Variants in NEBL observed in about 807,000 individuals in gnomAD.
NEBL encodes LIM and SH3 protein 2.
A neutral mutation model predicts 140.2 loss-of-function variants in NEBL; 122 were observed. That is an observed-to-expected ratio of 0.87 (90% CI 0.75 to 1.01). The LOEUF (loss-of-function observed/expected upper bound fraction) is 1.01, where lower values mean the gene tolerates loss of function less well. Ranked by LOEUF, NEBL falls within the 50% of genes least tolerant of loss-of-function variation. The pLI is 0.00. For missense variants in NEBL, 1,365 were observed against 1,231.3 expected, an observed-to-expected ratio of 1.11 and a Z score of -1.62; for synonymous variants, 436 against 398.9, an observed-to-expected ratio of 1.09 and a Z score of -1.11.
chr10:21,049,103 T>A (rs1229723668), intron 2 of NEBL, among the ~76,000 whole-genome samples: 1 of 138,618 alleles, frequency 7.2e-6, no homozygotes, highest in Non-Finnish European at 1.5e-5. Context: ...CTCAACTCTT[T>A]AAATGAGACT....
chr10:20,829,397 G>A (rs1052891910), intron 16 of NEBL, among the ~76,000 whole-genome samples: 3 of 149,216 alleles, frequency 2.0e-5, no homozygotes, highest in Non-Finnish European at 3.0e-5. Context: ...GAGAACACAT[G>A]GACACAGGAA....
intron 7 of NEBL, among the ~76,000 whole-genome samples, chr10:20,860,395 A>C (rs1843557307): frequency 6.6e-6 from 1 of 151,946 alleles, no homozygotes; most frequent in Admixed American, 6.6e-5. Context: ...CAGCAGGAAA[A>C]CCATCTCCAA....
At chr10:21,287,797 A>C (rs1415978374) in intron 1 of NEBL, among the ~76,000 whole-genome samples, 2 of 152,224 alleles carry the variant, frequency 1.3e-5, no homozygotes, top group African/African-American at 4.8e-5. Context: ...ACAACAACAA[A>C]AAAATTGCAA....
Position 21,233,928 on chromosome 10 carries a change from CAT to C in NEBL, n.348+13991_348+13992del, listed in dbSNP as rs1232042988. On this transcript the variant is annotated intron_variant and non_coding_transcript_variant, in intron 3 of 8. Coordinates refer to the NEBL transcript ENST00000675702. ...TATGCATATATATGGATATATATTA[CAT>C]ATATATATATATGCTGGATGTGCGT... 8.0e-3 allele frequency among the ~76,000 whole-genome samples: 1,047 copies of C among 131,664 alleles called. 15 individuals are homozygous for C. Among genetic ancestry groups the C allele is most frequent in the African/African-American group, 0.026 (977 of 37,286 alleles). 86.4% of individuals were successfully genotyped at this position (131,664 alleles called of 152,430 possible). A position where few individuals can be genotyped will look rare whatever the true frequency, so the allele number is the denominator to read the frequency against.
chr10:20,954,368 G>T (rs1054342020), intron 4 of NEBL, among the ~76,000 whole-genome samples: 2 of 152,176 alleles, frequency 1.3e-5, no homozygotes, highest in African/African-American at 4.8e-5. Flanking sequence ...TAGGCCCTGG[G>T]TCTGTATAGA....
chr10:21,277,152 C>G (rs147112592), intron 1 of NEBL, among the ~76,000 whole-genome samples: 1 of 151,552 alleles, frequency 6.6e-6, no homozygotes, highest in Admixed American at 6.6e-5. Flanking sequence ...AAAAAAAACA[C>G]GATTGCTCAT....
chr10:20,953,765 GA>G (rs1357209753), intron 4 of NEBL, among the ~76,000 whole-genome samples: 1 of 151,890 alleles, frequency 6.6e-6, no homozygotes, highest in Non-Finnish European at 1.5e-5. Context: ...AGCAACTTGA[GA>G]AACTAAAAAT....
intron 3 of NEBL, among the ~76,000 whole-genome samples, chr10:20,992,856 C>A (rs1400239884): frequency 7.8e-6 from 1 of 128,602 alleles, no homozygotes; most frequent in Admixed American, 9.5e-5. Context: ...CTGCTCACTG[C>A]AAGCTCCGCC....
upstream of NEBL, among the ~76,000 whole-genome samples, chr10:20,901,150 T>C (rs547697159): frequency 5.3e-5 from 8 of 152,316 alleles, no homozygotes; most frequent in East Asian, 1.9e-4. Context: ...TCATTCTCTG[T>C]GCCATTAATA....
At chr10:20,800,890 A>C (rs990294639) in intron 26 of NEBL, among the ~76,000 whole-genome samples, 2 of 152,160 alleles carry the variant, frequency 1.3e-5, no homozygotes, top group Admixed American at 1.3e-4. Flanking sequence ...AAGAGACTCC[A>C]CTCACCTACA....
At chr10:21,065,076 C>A (rs1835475254) in intron 2 of NEBL, among the ~76,000 whole-genome samples, 1 of 152,060 alleles carries the variant, frequency 6.6e-6, no homozygotes. Flanking sequence ...TGACCTTTTA[C>A]TGAACAATAA....
chr10:20,937,251 A>C (rs1358583922), intron 4 of NEBL, among the ~76,000 whole-genome samples: 2 of 152,198 alleles, frequency 1.3e-5, no homozygotes, highest in African/African-American at 4.8e-5. Context: ...TCCACTGAGA[A>C]AGCTCGATTT....
At chr10:21,081,802 A>C (rs563714792) in intron 2 of NEBL, among the ~76,000 whole-genome samples, 67 of 152,340 alleles carry the variant, frequency 4.4e-4, no homozygotes, top group African/African-American at 1.6e-3. Context: ...AAGGACCTGG[A>C]AACTTGCTCA....
At chr10:20,876,422 A>T (rs1405280289) in intron 5 of NEBL, among the ~76,000 whole-genome samples, 1 of 152,208 alleles carries the variant, frequency 6.6e-6, no homozygotes, top group East Asian at 1.9e-4. Flanking sequence ...ATCCTAAAGC[A>T]CTATTATTGT....
At chr10:21,161,558 C>G (rs796287427) in intron 2 of NEBL, among the ~76,000 whole-genome samples, 1 of 152,114 alleles carries the variant, frequency 6.6e-6, no homozygotes, top group Non-Finnish European at 1.5e-5. Flanking sequence ...AGGACAGACT[C>G]GTGTATCAAT....
intron 1 of NEBL, among the ~76,000 whole-genome samples, chr10:21,273,654 C>T (rs1158517122): frequency 6.6e-6 from 1 of 152,198 alleles, no homozygotes; most frequent in Admixed American, 6.5e-5. Flanking sequence ...AGAAAGACCG[C>T]CTGGCAGAGA....
intron 4 of NEBL, among the ~76,000 whole-genome samples, chr10:20,950,696 G>A (rs761054231): frequency 6.6e-6 from 1 of 152,180 alleles, no homozygotes; most frequent in Non-Finnish European, 1.5e-5. Context: ...CAAAGCCCCA[G>A]ATTCTGGAGG....
chr10:21,082,535 TAAAA>T (rs61234594), intron 2 of NEBL, among the ~76,000 whole-genome samples: 3,537 of 116,538 alleles, frequency 0.03, 69 homozygotes, highest in African/African-American at 0.087. Flanking sequence ...CCACCACCAC[TAAAA>T]AAAAAAAAAA....
intron 3 of NEBL, among the ~76,000 whole-genome samples, chr10:20,999,186 G>C (rs989465890): frequency 6.6e-6 from 1 of 150,680 alleles, no homozygotes; most frequent in Non-Finnish European, 1.5e-5. Flanking sequence ...AAGGCTGTCA[G>C]GGAAGAAAGG....
Sources: allele counts gnomAD v4.1 joint callset (sites outside exome capture counted in the v4.1 genomes callset), GRCh38; gene constraint gnomAD v4.1.1; transcripts MANE v1.5; gene names NCBI Gene and HGNC (gene_info 2026-07-23, HGNC 2026-07-21).